The following EPB41L5 variants were observed in gnomAD, a reference collection of about 807,000 sequenced individuals.
EPB41L5 encodes the protein band 4.1-like protein 5.
In EPB41L5, 55 loss-of-function variants were observed where a neutral mutation model predicts 106.6. The ratio of observed to expected loss-of-function variants is 0.52; its 90% CI spans 0.42 to 0.65. EPB41L5 has a LOEUF of 0.65. Among genes scored for constraint, EPB41L5 ranks in the 30% least tolerant of loss-of-function variants. The pLI is 0.00. For missense variants in EPB41L5, 871 were observed against 882.1 expected (o/e 0.99, Z 0.16); for synonymous variants, 297 against 306.7 (o/e 0.97, Z 0.33).
intron 3 of EPB41L5, among the ~76,000 whole-genome samples, chr2:120,063,597 A>T (rs1297710713): frequency 6.6e-6 from 1 of 151,946 alleles, no homozygotes; most frequent in Non-Finnish European, 1.5e-5. Context: ...ATGACATGCG[A>T]TTTACCTGTA....
rs59681069 is a variant in EPB41L5, at chr2:120,105,694, C to T, written c.1337+4880C>T. 1.2e-3 allele frequency: 1,176 copies of T among 985,396 alleles called. 9 individuals are homozygous for T. In the African/African-American group the frequency reaches 0.019, roughly 16 times the overall value. The allele number at this position is 985,396 out of a possible 1,614,324, so 61.0% of individuals were successfully genotyped here. A position where few individuals can be genotyped will look rare whatever the true frequency, so the allele number is the denominator to read the frequency against. ...TCTGTATCTTAAATAGCCCGGCTCC[C>T]ACCTCTTTAAGCCCATCATCGTTTA... On this transcript the variant is annotated intron_variant, in intron 16 of 24. Coordinates refer to ENST00000263713, the MANE Select transcript of EPB41L5 (RefSeq NM_020909.4).
chr2:120,168,530 G>A (rs1325592334), intron 24 of EPB41L5, among the ~76,000 whole-genome samples: 4 of 152,134 alleles, frequency 2.6e-5, no homozygotes, highest in African/African-American at 4.8e-5. Context: ...TTCAACTTTT[G>A]ATTTGCTAGA....
At chr2:120,093,818 G>C (rs1286742381) in intron 14 of EPB41L5, among the ~76,000 whole-genome samples, 1 of 152,108 alleles carries the variant, frequency 6.6e-6, no homozygotes, top group Non-Finnish European at 1.5e-5. Context: ...GTTTGTATAT[G>C]TTCCCTCCTC....
chr2:120,116,717 TAC>T (rs1420257863), intron 16 of EPB41L5, among the ~76,000 whole-genome samples: 10 of 152,060 alleles, frequency 6.6e-5, no homozygotes, highest in Non-Finnish European at 1.5e-4. Flanking sequence ...TTTGTAGAGA[TAC>T]AGTCTCCTCT....
chr2:120,128,786 T>A (rs995975737), intron 17 of EPB41L5, among the ~76,000 whole-genome samples: 4 of 151,942 alleles, frequency 2.6e-5, no homozygotes, highest in African/African-American at 9.7e-5. Flanking sequence ...ATTTAACTTA[T>A]TATATTGGTA....
At chr2:120,069,323 A>G (rs1329433514) in intron 3 of EPB41L5, among the ~76,000 whole-genome samples, 1 of 152,090 alleles carries the variant, frequency 6.6e-6, no homozygotes, top group African/African-American at 2.4e-5. Context: ...TCATAAAGCA[A>G]GTTCTTAGAG....
chr2:120,152,930 T>C (rs1170485906), intron 20 of EPB41L5, among the ~76,000 whole-genome samples: 1 of 152,234 alleles, frequency 6.6e-6, no homozygotes, highest in Admixed American at 6.5e-5. Flanking sequence ...TGTTTTTTAC[T>C]GAGAGGTTTC....
chr2:120,067,954 G>A (rs1681559861), intron 3 of EPB41L5, among the ~76,000 whole-genome samples: 1 of 152,212 alleles, frequency 6.6e-6, no homozygotes, highest in Non-Finnish European at 1.5e-5. Flanking sequence ...TGAGGGAGCA[G>A]AGGAAGTGTT....
intron 24 of EPB41L5, 126 bp downstream of exon 24, chr2:120,168,133 A>G: frequency 9.0e-7 from 1 of 1,112,812 alleles, no homozygotes; most frequent in South Asian, 1.9e-5. Context: ...AAATGGGGCA[A>G]ATCTTTTTTC....
chr2:120,090,643 C>G (rs1391515769), intron 12 of EPB41L5, 127 bp downstream of exon 12: 3 of 717,710 alleles, frequency 4.2e-6, no homozygotes, highest in Non-Finnish European at 6.7e-6. Flanking sequence ...CCAGAGTCTT[C>G]CATTGGCCAA....
intron 20 of EPB41L5, among the ~76,000 whole-genome samples, chr2:120,158,202 A>AT: frequency 6.6e-6 from 1 of 152,196 alleles, no homozygotes; most frequent in Non-Finnish European, 1.5e-5. Context: ...TGCTGAAACT[A>AT]TTTCAAAAAA....
In EPB41L5 at chr2:120,050,326, C is replaced by T. The variant is rs547358006; in HGVS notation, c.285+8216C>T. ...CAATCAGACATAGATTTGGTCTTTT[C>T]ATGTAGTCCCATATTTCTTGGAGGC... On this transcript the variant is annotated intron_variant, in intron 3 of 24. Coordinates refer to ENST00000263713, the MANE Select transcript of EPB41L5 (RefSeq NM_020909.4). 2.2e-4 allele frequency among the ~76,000 whole-genome samples: 34 copies of T among 152,278 alleles called. No individual in the cohort carries two copies. In the South Asian group the frequency reaches 2.9e-3, roughly 13 times the overall value.
At position 120,168,472 on chromosome 2, in the gene EPB41L5, A is replaced by G. The variant is rs1687517578; in HGVS notation, c.2135+465A>G. Reference sequence around the variant, plus strand: ...CATTTCAAGGCGTTGCTTGCTACAGACAGAAACTAGACTCAAAAACTAGAG... The same window carrying G: ...CATTTCAAGGCGTTGCTTGCTACAGGCAGAAACTAGACTCAAAAACTAGAG... On this transcript the variant is annotated intron_variant, in intron 24 of 24. Coordinates refer to ENST00000263713, the MANE Select transcript of EPB41L5 (RefSeq NM_020909.4). Among the ~76,000 whole-genome samples the G allele has an allele frequency of 2.0e-5, 3 of 152,284 alleles. No individual in the cohort carries two copies. The South Asian group carries it at 6.2e-4, about 32-fold the overall frequency.
rs549922637 is a variant in EPB41L5, at chr2:120,091,561, A to G, written c.1050A>G (p.Lys350=). ...TCTGTTATGCCTCATTTAGTGGGAA[A>G]ACAGAGTATCAGACCACAAAAACCA... ...RLGSRFRYSG[K]TEYQTTKTNK... is the part of the protein sequence containing the mutation. Residue 350 remains lysine (K), a synonymous_variant, in exon 13 of 25, where the codon AAA becomes AAG. Coordinates refer to ENST00000263713, the MANE Select transcript of EPB41L5 (RefSeq NM_020909.4). 9.3e-6 allele frequency: 15 copies of G among 1,613,286 alleles called. No homozygotes were observed. In the African/African-American group the frequency reaches 1.3e-4, roughly 14 times the overall value.
intron 16 of EPB41L5, among the ~76,000 whole-genome samples, chr2:120,111,203 A>G (rs1355836510): frequency 6.6e-6 from 1 of 151,978 alleles, no homozygotes; most frequent in Non-Finnish European, 1.5e-5. Flanking sequence ...ATATTTCTTG[A>G]TTTGGGTTTG....
chr2:120,139,144 A>ACTTCTATCTCTG (rs1686063808), intron 18 of EPB41L5, among the ~76,000 whole-genome samples: 1 of 151,970 alleles, frequency 6.6e-6, no homozygotes, highest in African/African-American at 2.4e-5. Context: ...GAAGAATGAA[A>ACTTCTATCTCTG]CTTCTATCTC....
intron 2 of EPB41L5, among the ~76,000 whole-genome samples, chr2:120,031,696 A>T (rs1678719667): frequency 3.3e-5 from 5 of 152,252 alleles, no homozygotes; most frequent in Admixed American, 3.3e-4. Flanking sequence ...TTGCCTAAAC[A>T]TGATAGACCC....
chr2:120,019,816 C>T (rs562696190), intron 2 of EPB41L5, among the ~76,000 whole-genome samples: 73 of 152,274 alleles, frequency 4.8e-4, no homozygotes, highest in South Asian at 4.1e-4. Flanking sequence ...CTGCCTGTCT[C>T]TTTGCTCCTG....
At chr2:120,116,086 C>T (rs575855954) in intron 16 of EPB41L5, among the ~76,000 whole-genome samples, 9 of 152,142 alleles carry the variant, frequency 5.9e-5, no homozygotes, top group African/African-American at 2.2e-4. Flanking sequence ...GCTGGGATTA[C>T]AGGTATGAGC....
Sources: allele counts gnomAD v4.1 joint callset (sites outside exome capture counted in the v4.1 genomes callset), GRCh38; gene constraint gnomAD v4.1.1; transcripts MANE v1.5; gene names NCBI Gene and HGNC (gene_info 2026-07-23, HGNC 2026-07-21).